The following CELF2 variants were observed in gnomAD, a reference collection of about 807,000 sequenced individuals.
CELF2 encodes CUG triplet repeat RNA-binding protein 2.
In CELF2, 8 loss-of-function variants were observed where a neutral mutation model predicts 62.6. The ratio of observed to expected loss-of-function variants is 0.13; its 90% CI spans 0.07 to 0.23. The LOEUF (loss-of-function observed/expected upper bound fraction) is 0.23, where lower values mean the gene tolerates loss of function less well. CELF2 is among the 10% of genes least tolerant of loss of function. The pLI, the probability that CELF2 is intolerant of heterozygous loss-of-function variation, is 1.00. For synonymous variants in CELF2, 258 were observed against 250.0 expected (o/e 1.03, Z -0.30); for missense variants, 333 against 671.0 (o/e 0.50, Z 5.56).
At chr10:10,991,407 G>C (rs889125462) in intron 2 of CELF2, among the ~76,000 whole-genome samples, 1 of 152,158 alleles carries the variant, frequency 6.6e-6, no homozygotes, top group Admixed American at 6.5e-5. Flanking sequence ...GGATGATCCT[G>C]CTGAGAAGAC....
chr10:10,677,579 T>C, the CELF2 span, among the ~76,000 whole-genome samples: 3 of 152,216 alleles, frequency 2.0e-5, no homozygotes, highest in Non-Finnish European at 4.4e-5. Flanking sequence ...TACCTGCAAA[T>C]TCCACTGAAT....
At position 11,117,901 on chromosome 10, in the gene CELF2, ATAC is replaced by A. The variant is rs1281306714; in HGVS notation, c.75-47584_75-47582del. 6.6e-6 allele frequency among the ~76,000 whole-genome samples: 1 copy of A among 152,054 alleles called. No homozygotes were observed. Among genetic ancestry groups the A allele is most frequent in the Non-Finnish European group, 1.5e-5 (1 of 67,998 alleles). On this transcript the variant is annotated intron_variant, in intron 1 of 12. Coordinates refer to ENST00000633077, the MANE Select transcript of CELF2 (RefSeq NM_001326342.2). This position sits in a 1 kb window ranked among gnomAD's most constrained non-coding sequence, Gnocchi z 4.1. ...CAGCCTTTTTCTGCGCTATCCTTTT[ATAC>A]ATTTTTTATAAGGCAGAATGCTTTG...
intron 1 of CELF2, among the ~76,000 whole-genome samples, chr10:10,810,307 C>T (rs1447494445): frequency 2.6e-5 from 4 of 152,148 alleles, no homozygotes; most frequent in African/African-American, 9.7e-5. Context: ...ATGGAGTAGC[C>T]AACATTCACC....
chr10:10,581,459 G>A, the CELF2 span, among the ~76,000 whole-genome samples: 4 of 152,098 alleles, frequency 2.6e-5, no homozygotes, highest in Admixed American at 6.6e-5. Flanking sequence ...AAGAGATGAG[G>A]AGAACGCTCT....
chr10:10,939,315 T>C (rs1005190069), intron 2 of CELF2, among the ~76,000 whole-genome samples: 3 of 138,074 alleles, frequency 2.2e-5, no homozygotes, highest in African/African-American at 1.1e-4. Context: ...TGAGACGGAG[T>C]CTCGCCTGTC....
intron 1 of CELF2, among the ~76,000 whole-genome samples, chr10:11,128,796 C>G (rs1330590541): frequency 2.0e-5 from 3 of 152,160 alleles, no homozygotes; most frequent in Non-Finnish European, 2.9e-5. Context: ...ATGGGGTGTT[C>G]TAGATATACA....
At chr10:10,496,923 T>C in the CELF2 span, among the ~76,000 whole-genome samples, 1 of 151,960 alleles carries the variant, frequency 6.6e-6, no homozygotes, top group Non-Finnish European at 1.5e-5. Flanking sequence ...GGCAAAGTGG[T>C]TCATGCCTGT....
chr10:10,511,053 A>C, the CELF2 span, among the ~76,000 whole-genome samples: 1 of 152,198 alleles, frequency 6.6e-6, no homozygotes, highest in Non-Finnish European at 1.5e-5. Flanking sequence ...TCAGTTCTGC[A>C]TGAGATGGAG....
At chr10:10,565,328 T>G in the CELF2 span, among the ~76,000 whole-genome samples, 8 of 152,186 alleles carry the variant, frequency 5.3e-5, no homozygotes, top group African/African-American at 1.9e-4. Flanking sequence ...ACTGAAATAA[T>G]AAGTCAGTTC....
chr10:10,696,114 T>C, the CELF2 span, among the ~76,000 whole-genome samples: 1 of 152,174 alleles, frequency 6.6e-6, no homozygotes, highest in Non-Finnish European at 1.5e-5. Flanking sequence ...TTTTCTGTTC[T>C]GTTTTTTCCC....
At position 11,110,946 on chromosome 10, in the gene CELF2, C is replaced by A. The variant is rs114766014; in HGVS notation, c.75-54540C>A. On this transcript the variant is annotated intron_variant, in intron 1 of 12. Coordinates refer to ENST00000633077, the MANE Select transcript of CELF2 (RefSeq NM_001326342.2). This position sits in a 1 kb window ranked among gnomAD's most constrained non-coding sequence, Gnocchi z 4.0. ...TTCTTTCAAAACTGGAATTACAGAA[C>A]GTCCAGCAAGGCCCTTTTGGGAGAA... Among the ~76,000 whole-genome samples the A allele has an allele frequency of 8.9e-4, 136 of 152,214 alleles. 1 individual carries two copies. Among genetic ancestry groups the A allele is most frequent in the African/African-American group, 3.1e-3 (127 of 41,518 alleles).
intron 1 of CELF2, among the ~76,000 whole-genome samples, chr10:10,849,181 G>C (rs1033180330): frequency 6.6e-6 from 1 of 151,344 alleles, no homozygotes; most frequent in Non-Finnish European, 1.5e-5. Context: ...CGGATCTCTT[G>C]AGGTCAGGAG....
chr10:10,597,197 G>A, the CELF2 span, among the ~76,000 whole-genome samples: 2 of 152,146 alleles, frequency 1.3e-5, no homozygotes, highest in African/African-American at 4.8e-5. Flanking sequence ...CTTAAATTTT[G>A]GAAGGAGACA....
intron 8 of CELF2, among the ~76,000 whole-genome samples, chr10:11,282,539 C>T (rs547464482): frequency 7.9e-5 from 12 of 152,388 alleles, no homozygotes; most frequent in African/African-American, 2.6e-4. Context: ...CTTCTGCTGT[C>T]ATTGTCGTTT....
chr10:11,323,424 AAATAATAATAATAATAAT>A (rs57666869), intron 11 of CELF2, among the ~76,000 whole-genome samples: 2 of 141,650 alleles, frequency 1.4e-5, no homozygotes, highest in Non-Finnish European at 3.1e-5. Flanking sequence ...GGCAGAGCAA[AAATAATAATAATAATAAT>A]AATAATAATA....
intron 1 of CELF2, among the ~76,000 whole-genome samples, chr10:11,127,011 A>G (rs1314393831): frequency 6.6e-6 from 1 of 151,912 alleles, no homozygotes; most frequent in African/African-American, 2.4e-5. Flanking sequence ...CTCATCATCT[A>G]TATTAGGTAT....
the CELF2 span, among the ~76,000 whole-genome samples, chr10:10,607,693 C>T: frequency 2.0e-5 from 3 of 152,200 alleles, no homozygotes; most frequent in South Asian, 6.2e-4. Context: ...GTGAGTGAAT[C>T]ATTTTCAATT....
the CELF2 span, among the ~76,000 whole-genome samples, chr10:10,629,548 T>C: frequency 6.6e-6 from 1 of 152,210 alleles, no homozygotes; most frequent in South Asian, 2.1e-4. Flanking sequence ...TATATCATCT[T>C]AGATAAAGTC....
Position 11,121,775 on chromosome 10 carries a change from A to C in CELF2, c.75-43711A>C, listed in dbSNP as rs528485609. Among the ~76,000 whole-genome samples the C allele has an allele frequency of 2.0e-5, 3 of 152,154 alleles. No individual in the cohort carries two copies. In the South Asian group the frequency reaches 6.2e-4, roughly 32 times the overall value. On this transcript the variant is annotated intron_variant, in intron 1 of 12. Transcript: ENST00000633077. ...TGCTGTGTCTGTTTCTTAATGAAGG[A>C]TGCCCCATAGTGTTTCTTGCAGAAA...
Sources: gnomAD v4.1 joint callset for allele counts (sites outside exome capture counted in the v4.1 genomes callset) on GRCh38, gnomAD v4.1.1 for gene constraint, Gnocchi (gnomAD v3.1) non-coding constraint, MANE v1.5 for transcripts, NCBI Gene and HGNC (gene_info 2026-07-23, HGNC 2026-07-21) for gene names.